Variants in ARNT2 observed in about 807,000 individuals in gnomAD.
The protein encoded by ARNT2 is ARNT protein 2.
Under a neutral mutation model 91.7 loss-of-function variants are expected in ARNT2, and 36 were observed. The ratio of observed to expected loss-of-function variants is 0.39; its 90% CI spans 0.30 to 0.52. The LOEUF (loss-of-function observed/expected upper bound fraction) is 0.52, where lower values mean the gene tolerates loss of function less well. Ranked by LOEUF, ARNT2 falls within the 20% of genes least tolerant of loss-of-function variation. The pLI, the probability that ARNT2 is intolerant of heterozygous loss-of-function variation, is 0.72. For missense variants in ARNT2, 775 were observed against 939.3 expected, an observed-to-expected ratio of 0.83 and a Z score of 2.29; for synonymous variants, 365 against 347.1, an observed-to-expected ratio of 1.05 and a Z score of -0.57.
At chr15:80,583,485 A>C (rs1898837111) in intron 17 of ARNT2, among the ~76,000 whole-genome samples, 1 of 152,264 alleles carries the variant, frequency 6.6e-6, no homozygotes. Flanking sequence ...AACAGGCTCA[A>C]CACAGATGGG....
At chr15:80,549,950 C>T (rs1596008445) in intron 8 of ARNT2, among the ~76,000 whole-genome samples, 1 of 152,186 alleles carries the variant, frequency 6.6e-6, no homozygotes. Flanking sequence ...AACACCTAAA[C>T]GTCCAGTATT....
At chr15:80,543,094 CAAAAAAAAAAA>C (rs368917679) in intron 8 of ARNT2, among the ~76,000 whole-genome samples, 39,728 of 86,624 alleles carry the variant, frequency 0.46, 6,094 homozygotes, top group Non-Finnish European at 0.5. Flanking sequence ...CAGACCCGGT[CAAAAAAAAAAA>C]AAAAAAAAAA....
At chr15:80,409,441 T>C (rs1371469082) in intron 1 of ARNT2, among the ~76,000 whole-genome samples, 2 of 152,206 alleles carry the variant, frequency 1.3e-5, no homozygotes, top group African/African-American at 2.4e-5. Flanking sequence ...AATATTCCAT[T>C]GTCTGGATGT....
intron 17 of ARNT2, among the ~76,000 whole-genome samples, chr15:80,582,168 A>T (rs780618916): frequency 2.3e-4 from 35 of 152,162 alleles, no homozygotes; most frequent in Non-Finnish European, 3.5e-4. Context: ...AAAAGCTTCC[A>T]TTAGAACTGC....
rs149816151 is a variant in ARNT2, at chr15:80,531,926, C to G, written c.877+17521C>G. On this transcript the variant is annotated intron_variant, in intron 8 of 18. Coordinates refer to ENST00000303329, the MANE Select transcript of ARNT2 (RefSeq NM_014862.4). ...TTTCCCTTGACCACAGCCCACACCC[C>G]GCAAAGGACGCCTGCAGCAGGACAG... is the stretch of plus-strand genomic sequence containing the variant. 4.6e-5 allele frequency among the ~76,000 whole-genome samples: 7 copies of G among 152,252 alleles called. No homozygotes were observed. In the South Asian group the frequency reaches 1.2e-3, roughly 27 times the overall value.
rs1893350368 is a variant in ARNT2, at chr15:80,594,935, G to A, written c.*1237G>A. 1 of 152,146 alleles carries A rather than the reference G, an allele frequency of 6.6e-6. No homozygotes were observed. The highest frequency in any genetic ancestry group is 2.4e-5 in the African/African-American group (1 of 41,420). The allele number at this position is 152,146 out of a possible 1,614,324, so 9.4% of individuals were successfully genotyped here. ...GGCAGAAGACATGGGTTCCAGTTCT[G>A]GTTCTGCCACACACCCACCGGCCTT... is the stretch of plus-strand genomic sequence containing the variant. On this transcript the variant is annotated 3_prime_UTR_variant, in exon 19 of 19. Transcript: ENST00000303329.
At chr15:80,511,479 C>T (rs757904147) in intron 6 of ARNT2, among the ~76,000 whole-genome samples, 4 of 151,700 alleles carry the variant, frequency 2.6e-5, no homozygotes, top group Non-Finnish European at 4.4e-5. Flanking sequence ...GCCCATGACA[C>T]GAGTTTACCT....
intron 8 of ARNT2, among the ~76,000 whole-genome samples, chr15:80,537,353 C>G (rs1447401332): frequency 6.6e-6 from 1 of 152,198 alleles, no homozygotes; most frequent in Non-Finnish European, 1.5e-5. Context: ...CTAAATTCCT[C>G]TTGGCATCTC....
In ARNT2 at chr15:80,575,179, C is replaced by T. The variant is rs76691755; in HGVS notation, c.1513+69C>T. 3.6e-5 allele frequency: 57 copies of T among 1,581,394 alleles called. No homozygotes were observed. The African/African-American group carries it at 7.4e-4, about 21-fold the overall frequency. On this transcript the variant is annotated intron_variant, in intron 14 of 18. Transcript: ENST00000303329. ...CAGTTGCTTTCAGGCCATCTACAGA[C>T]AGCTACTCTTAGTAAGAGGGGGCCA...
At chr15:80,549,770 C>A in intron 8 of ARNT2, among the ~76,000 whole-genome samples, 1 of 152,308 alleles carries the variant, frequency 6.6e-6, no homozygotes, top group African/African-American at 2.4e-5. Context: ...CAAATTGGTG[C>A]AACCCTTCTG....
At chr15:80,450,572 A>G (rs1043701420) in intron 1 of ARNT2, among the ~76,000 whole-genome samples, 70 of 152,210 alleles carry the variant, frequency 4.6e-4, no homozygotes, top group African/African-American at 1.7e-3. Context: ...ACCTGCCTCC[A>G]GGTGGTCAGG....
intron 8 of ARNT2, among the ~76,000 whole-genome samples, chr15:80,534,574 A>G (rs914520872): frequency 6.6e-6 from 1 of 152,180 alleles, no homozygotes; most frequent in African/African-American, 2.4e-5. Flanking sequence ...ATTTTACTAC[A>G]TGGTCTTGTT....
chr15:80,421,362 C>G (rs1274172713), intron 1 of ARNT2, among the ~76,000 whole-genome samples: 2 of 120,644 alleles, frequency 1.7e-5, no homozygotes, highest in Non-Finnish European at 3.3e-5. Flanking sequence ...ATCCATGTAT[C>G]CAAAAACCAG....
chr15:80,518,502 A>G lies in ARNT2; in HGVS notation c.877+4097A>G, dbSNP rs753013551. On this transcript the variant is annotated intron_variant, in intron 8 of 18. Transcript: ENST00000303329. ...CACCATGTTGGCCATGGTGGTCTCA[A>G]TCTCCTGACCTGGTGATCCTCCTGC... 5.9e-5 allele frequency among the ~76,000 whole-genome samples: 9 copies of G among 151,968 alleles called. No homozygotes were observed. The East Asian group carries it at 1.2e-3, about 20-fold the overall frequency.
In ARNT2 at chr15:80,479,573, C is replaced by T. The variant is rs762216746; in HGVS notation, c.622+4350C>T. 3.3e-5 allele frequency among the ~76,000 whole-genome samples: 5 copies of T among 152,302 alleles called. No individual in the cohort carries two copies. In the South Asian group the frequency reaches 6.2e-4, roughly 19 times the overall value. On this transcript the variant is annotated intron_variant, in intron 5 of 18. Coordinates refer to ENST00000303329, the MANE Select transcript of ARNT2 (RefSeq NM_014862.4). ...GTTCCTTTCTTCTCTAACCCTCATT[C>T]CCCTCATCTTGACCCAGGAAGTTTC...
rs201667648 is a variant in ARNT2 at position 80,590,572 on chromosome 15, TA to T, written c.1919-986del. Among the ~76,000 whole-genome samples, 330 of 149,318 alleles carry T rather than the reference TA, an allele frequency of 2.2e-3. 2 individuals carry two copies. The highest frequency in any genetic ancestry group is 6.4e-3 in the African/African-American group (262 of 40,774). ...GGGCAACAGAGCCAGACCCCATCTC[TA>T]AAAAAAAAATGTTTTTTAATTAGTC... On this transcript the variant is annotated intron_variant, in intron 17 of 18. Coordinates refer to ENST00000303329, the MANE Select transcript of ARNT2 (RefSeq NM_014862.4).
chr15:80,451,096 G>T, intron 2 of ARNT2, 102 bp downstream of exon 2: 7 of 1,157,848 alleles, frequency 6.0e-6, no homozygotes, highest in Non-Finnish European at 8.6e-6. Flanking sequence ...TAGAATAAAA[G>T]CTCAGCAGTT....
chr15:80,433,633 G>A (rs8034535), intron 1 of ARNT2, among the ~76,000 whole-genome samples: 124,339 of 152,100 alleles, frequency 0.82, 50,949 homozygotes, highest in East Asian at 0.86. Flanking sequence ...ATTGTATTTA[G>A]AGAATGAGAT....
At chr15:80,450,264 T>C (rs1290362933) in intron 1 of ARNT2, among the ~76,000 whole-genome samples, 5 of 152,240 alleles carry the variant, frequency 3.3e-5, no homozygotes, top group African/African-American at 4.8e-5. Flanking sequence ...GCTCTGGAGA[T>C]CCAGGAAGCC....
Sources: gnomAD v4.1 joint callset for allele counts (sites outside exome capture counted in the v4.1 genomes callset) on GRCh38, gnomAD v4.1.1 for gene constraint, MANE v1.5 for transcripts, NCBI Gene and HGNC (gene_info 2026-07-23, HGNC 2026-07-21) for gene names.